The following PRKN variants were observed in gnomAD, a reference collection of about 807,000 sequenced individuals.
PRKN encodes parkin RBR E3 ubiquitin protein ligase.
PRKN carries 56 observed loss-of-function variants against 59.5 expected under a neutral mutation model. The observed-to-expected ratio is 0.94, with a 90% CI of 0.76 to 1.18. PRKN has a LOEUF of 1.18. Among genes scored for constraint, PRKN ranks in the 50% most tolerant of loss-of-function variants. The pLI, the probability that PRKN is intolerant of heterozygous loss-of-function variation, is 0.00. For synonymous variants in PRKN, 250 were observed against 222.1 expected, an observed-to-expected ratio of 1.13 and a Z score of -1.12; for missense variants, 657 against 596.4, an observed-to-expected ratio of 1.10 and a Z score of -1.06.
At chr6:162,037,858 T>A (rs1478065462) in intron 5 of PRKN, among the ~76,000 whole-genome samples, 1 of 151,964 alleles carries the variant, frequency 6.6e-6, no homozygotes, top group Non-Finnish European at 1.5e-5. Flanking sequence ...CCCTCCTCTT[T>A]AGGTGAAAGT....
intron 2 of PRKN, among the ~76,000 whole-genome samples, chr6:162,269,842 G>C (rs1211083221): frequency 1.3e-5 from 2 of 152,180 alleles, no homozygotes; most frequent in Non-Finnish European, 2.9e-5. Context: ...TCCTGCAAGA[G>C]TGGCCATAAT....
chr6:162,607,967 C>T (rs991561706), intron 1 of PRKN, among the ~76,000 whole-genome samples: 1 of 152,190 alleles, frequency 6.6e-6, no homozygotes, highest in Non-Finnish European at 1.5e-5. Flanking sequence ...TCATTTGAAG[C>T]TGGTGTTCAA....
At chr6:162,592,638 C>T (rs766148316) in intron 1 of PRKN, among the ~76,000 whole-genome samples, 10 of 152,026 alleles carry the variant, frequency 6.6e-5, no homozygotes, top group Admixed American at 6.6e-5. Context: ...TTGCCCTGTA[C>T]ATTAGATAAC....
intron 1 of PRKN, among the ~76,000 whole-genome samples, chr6:162,686,633 T>C (rs1327602400): frequency 5.9e-5 from 9 of 152,168 alleles, no homozygotes; most frequent in Non-Finnish European, 1.5e-5. Flanking sequence ...GTAGCCTAGC[T>C]AGGCATGATG....
chr6:162,179,353 T>C (rs537910849), intron 4 of PRKN, among the ~76,000 whole-genome samples: 5 of 152,118 alleles, frequency 3.3e-5, no homozygotes, highest in South Asian at 2.1e-4. Context: ...GAGGGGACGG[T>C]CCAGCATCTC....
chr6:162,668,544 G>C (rs986720513), intron 1 of PRKN, among the ~76,000 whole-genome samples: 4 of 152,122 alleles, frequency 2.6e-5, no homozygotes, highest in Admixed American at 6.5e-5. Flanking sequence ...AGAGGTGCTG[G>C]GCCAGCAGTT....
At chr6:162,087,589 C>CTT (rs35184111) in intron 4 of PRKN, among the ~76,000 whole-genome samples, 31,551 of 102,640 alleles carry the variant, frequency 0.31, 6,236 homozygotes, top group East Asian at 0.63. Flanking sequence ...AGAATAATTT[C>CTT]TTTTTTTTTT....
At chr6:162,059,278 T>C (rs945022747) in intron 4 of PRKN, among the ~76,000 whole-genome samples, 2 of 152,070 alleles carry the variant, frequency 1.3e-5, no homozygotes, top group African/African-American at 2.4e-5. Context: ...ATGGTGTAAG[T>C]AGTAAAACTG....
At chr6:161,589,449 T>C (rs947937946) in intron 7 of PRKN, among the ~76,000 whole-genome samples, 4 of 152,236 alleles carry the variant, frequency 2.6e-5, no homozygotes, top group Admixed American at 6.5e-5. Flanking sequence ...CTGTATTCGA[T>C]GGTAGAAGTT....
chr6:162,121,100 G>A (rs978839776), intron 4 of PRKN, among the ~76,000 whole-genome samples: 6 of 152,112 alleles, frequency 3.9e-5, no homozygotes, highest in Non-Finnish European at 7.4e-5. Context: ...GCTTGGTCGG[G>A]TCCACATAGC....
chr6:162,278,950 A>T (rs894809610), intron 2 of PRKN, among the ~76,000 whole-genome samples: 1 of 151,972 alleles, frequency 6.6e-6, no homozygotes, highest in African/African-American at 2.4e-5. Context: ...TTTGCTATAA[A>T]TAGATTTTTT....
chr6:162,360,906 A>G (rs906620883), intron 2 of PRKN, among the ~76,000 whole-genome samples: 6 of 152,240 alleles, frequency 3.9e-5, no homozygotes, highest in Admixed American at 3.9e-4. Flanking sequence ...GACAACATGG[A>G]TGAATGATGA....
intron 7 of PRKN, among the ~76,000 whole-genome samples, chr6:161,595,702 C>T (rs1015358781): frequency 6.6e-6 from 1 of 152,114 alleles, no homozygotes; most frequent in African/African-American, 2.4e-5. Flanking sequence ...ATTCACAGGG[C>T]AGGGAAGTAG....
chr6:161,542,187 A>C (rs1184461457), intron 9 of PRKN, among the ~76,000 whole-genome samples: 2 of 152,232 alleles, frequency 1.3e-5, no homozygotes, highest in African/African-American at 4.8e-5. Context: ...TTACTTTATC[A>C]TAAGAATATA....
At position 161,544,309 on chromosome 6, in the gene PRKN, T is replaced by G. The variant is rs190996223; in HGVS notation, c.1083+4545A>C. 6.6e-6 allele frequency among the ~76,000 whole-genome samples: 1 copy of G among 152,324 alleles called. No homozygotes were observed. Among genetic ancestry groups the G allele is most frequent in the Admixed American group, 6.5e-5 (1 of 15,298 alleles). On this transcript the variant is annotated intron_variant, in intron 9 of 11. Transcript: ENST00000366898. This position sits in a 1 kb window ranked among gnomAD's most constrained non-coding sequence, Gnocchi z 5.5. ...AGTGTTATTTTGGTTTTCTGAATTA[T>G]ATACTATGTGTGCTATTAAAACACT...
At chr6:162,712,573 T>C (rs1778576350) in intron 1 of PRKN, among the ~76,000 whole-genome samples, 2 of 152,218 alleles carry the variant, frequency 1.3e-5, no homozygotes, top group African/African-American at 2.4e-5. Flanking sequence ...CCCCTTAATC[T>C]CTGACCCATG....
chr6:162,610,746 T>G (rs1292154050), intron 1 of PRKN, among the ~76,000 whole-genome samples: 1 of 152,206 alleles, frequency 6.6e-6, no homozygotes, highest in Non-Finnish European at 1.5e-5. Context: ...GTTAGCATTT[T>G]TATTTCTAAA....
chr6:161,620,095 T>G (rs2128150304), intron 7 of PRKN, among the ~76,000 whole-genome samples: 1 of 150,184 alleles, frequency 6.7e-6, no homozygotes, highest in Non-Finnish European at 1.5e-5. Context: ...ATTTGAACGA[T>G]TCTCCTGCCT....
intron 1 of PRKN, among the ~76,000 whole-genome samples, chr6:162,660,592 A>T (rs531691305): frequency 6.6e-6 from 1 of 152,250 alleles, no homozygotes; most frequent in South Asian, 2.1e-4. Flanking sequence ...GACAGTGTTC[A>T]ATTTGCATTC....
Sources: allele counts gnomAD v4.1 joint callset (sites outside exome capture counted in the v4.1 genomes callset), GRCh38; gene constraint gnomAD v4.1.1; non-coding constraint Gnocchi (gnomAD v3.1); transcripts MANE v1.5; gene names NCBI Gene and HGNC (gene_info 2026-07-23, HGNC 2026-07-21).